AUTS2: variants seen among roughly 807,000 people sequenced by gnomAD.
The protein encoded by AUTS2 is autism susceptibility gene 2 protein.
Under a neutral mutation model 112.4 loss-of-function variants are expected in AUTS2, and 17 were observed. The observed-to-expected ratio is 0.15, with a 90% CI of 0.10 to 0.23. The LOEUF (loss-of-function observed/expected upper bound fraction) is 0.23, where lower values mean the gene tolerates loss of function less well. Among genes scored for constraint, AUTS2 ranks in the 10% least tolerant of loss-of-function variants. AUTS2 has a pLI of 1.00. For synonymous variants in AUTS2, 751 were observed against 702.7 expected (o/e 1.07, Z -1.09); for missense variants, 1,510 against 1,701.6 (o/e 0.89, Z 1.98).
At chr7:70,077,939 A>G (rs1803114920) in intron 2 of AUTS2, among the ~76,000 whole-genome samples, 1 of 152,212 alleles carries the variant, frequency 6.6e-6, no homozygotes, top group Non-Finnish European at 1.5e-5. Flanking sequence ...TGCTGTCATC[A>G]TAATTCTGGA....
chr7:69,949,635 C>G (rs1456245895), intron 2 of AUTS2, among the ~76,000 whole-genome samples: 2 of 152,222 alleles, frequency 1.3e-5, no homozygotes, highest in Non-Finnish European at 2.9e-5. Context: ...TTTAGAAACA[C>G]TTAATGTTCC....
chr7:69,617,470 A>T (rs1793441983), intron 1 of AUTS2, among the ~76,000 whole-genome samples: 1 of 152,164 alleles, frequency 6.6e-6, no homozygotes, highest in African/African-American at 2.4e-5. Context: ...TTGAGGAAGA[A>T]GGAGTGGCAT....
At chr7:69,718,380 G>C (rs1033164587) in intron 1 of AUTS2, among the ~76,000 whole-genome samples, 1 of 152,240 alleles carries the variant, frequency 6.6e-6, no homozygotes, top group East Asian at 1.9e-4. Context: ...GTGTCAGGGG[G>C]CTGTGTTCCT....
intron 5 of AUTS2, among the ~76,000 whole-genome samples, chr7:70,446,681 C>T (rs1272978049): frequency 6.6e-6 from 1 of 152,124 alleles, no homozygotes. Flanking sequence ...ATGACATGAC[C>T]GCACTACAGA....
chr7:69,989,001 A>G (rs918606743), intron 2 of AUTS2, among the ~76,000 whole-genome samples: 5 of 152,188 alleles, frequency 3.3e-5, no homozygotes, highest in Non-Finnish European at 7.3e-5. Context: ...TGCAAAGACA[A>G]ACTTTGAGCG....
At chr7:70,021,049 C>T (rs1800247920) in intron 2 of AUTS2, among the ~76,000 whole-genome samples, 1 of 151,734 alleles carries the variant, frequency 6.6e-6, no homozygotes, top group Admixed American at 6.6e-5. Flanking sequence ...ATGGCGTGAT[C>T]TCAGCTCACC....
chr7:70,274,901 C>T (rs187205025), intron 4 of AUTS2, among the ~76,000 whole-genome samples: 1 of 151,932 alleles, frequency 6.6e-6, no homozygotes, highest in African/African-American at 2.4e-5. Flanking sequence ...GGTATATAAT[C>T]GGAATTAAAA....
chr7:70,473,269 A>C (rs1353526597), intron 5 of AUTS2, among the ~76,000 whole-genome samples: 1 of 152,232 alleles, frequency 6.6e-6, no homozygotes, highest in Admixed American at 6.5e-5. Flanking sequence ...CAAAAGTTTT[A>C]TGAATTTCAG....
At chr7:69,632,540 T>C (rs895092540) in intron 1 of AUTS2, among the ~76,000 whole-genome samples, 5 of 144,036 alleles carry the variant, frequency 3.5e-5, no homozygotes, top group Non-Finnish European at 6.1e-5. Context: ...CCCTTCTCTC[T>C]TCCATCCTGC....
At position 70,143,513 on chromosome 7, in the gene AUTS2, G is replaced by A. The variant is rs566135707; in HGVS notation, c.660+8942G>A. Among the ~76,000 whole-genome samples the A allele has an allele frequency of 5.2e-3, 785 of 152,304 alleles. 2 individuals carry two copies. Among genetic ancestry groups the A allele is most frequent in the Non-Finnish European group, 9.2e-3 (624 of 68,014 alleles). On this transcript the variant is annotated intron_variant, in intron 4 of 18. Transcript: ENST00000342771. ...TTAACAAACCTTAATTTGCTTAGTAGGCTAATGAATGATCTCCAATTTTTC... is the reference window on the plus strand; with the variant it reads ...TTAACAAACCTTAATTTGCTTAGTAAGCTAATGAATGATCTCCAATTTTTC...
intron 5 of AUTS2, among the ~76,000 whole-genome samples, chr7:70,558,588 C>G (rs775363101): frequency 7.2e-5 from 11 of 152,276 alleles, no homozygotes; most frequent in Non-Finnish European, 1.6e-4. Context: ...GGAGATTGCT[C>G]TTGATATAGT....
At chr7:70,348,397 T>C (rs1273506912) in intron 4 of AUTS2, among the ~76,000 whole-genome samples, 4 of 152,202 alleles carry the variant, frequency 2.6e-5, no homozygotes. Flanking sequence ...GGATCTGATA[T>C]GTGTCTAACT....
chr7:70,089,182 G>T (rs945174654), intron 2 of AUTS2, among the ~76,000 whole-genome samples: 1 of 152,094 alleles, frequency 6.6e-6, no homozygotes, highest in Non-Finnish European at 1.5e-5. Context: ...TAAGAAAGGG[G>T]CATTGAAGTC....
chr7:70,525,904 G>T lies in AUTS2; in HGVS notation c.690+90123G>T, dbSNP rs142066283. On this transcript the variant is annotated intron_variant, in intron 5 of 18. Transcript: ENST00000342771. ...GAAACAGGAGCATTCTGGACAGGGG[G>T]CCCTGGCCGCTGCTCACAGCAGCTC... Among the ~76,000 whole-genome samples, 5 of 152,330 alleles carry T rather than the reference G, an allele frequency of 3.3e-5. No homozygotes were observed. In the East Asian group the frequency reaches 5.8e-4, roughly 18 times the overall value.
chr7:69,709,411 A>G (rs946679913), intron 1 of AUTS2, among the ~76,000 whole-genome samples: 2 of 152,200 alleles, frequency 1.3e-5, no homozygotes. Flanking sequence ...TAGCCTGAGC[A>G]GGAGGATGGA....
intron 2 of AUTS2, among the ~76,000 whole-genome samples, chr7:70,058,236 T>G (rs765758148): frequency 3.3e-5 from 5 of 152,176 alleles, no homozygotes; most frequent in African/African-American, 7.2e-5. Flanking sequence ...AGGCTGGACA[T>G]TCAGTTAAAT....
chr7:69,833,034 A>G (rs1791567915), intron 1 of AUTS2, among the ~76,000 whole-genome samples: 1 of 152,204 alleles, frequency 6.6e-6, no homozygotes, highest in Admixed American at 6.5e-5. Flanking sequence ...TTAAAAGACG[A>G]GTAATCAGTT....
chr7:69,735,207 T>TA (rs1307008256), intron 1 of AUTS2, among the ~76,000 whole-genome samples: 8 of 152,212 alleles, frequency 5.3e-5, no homozygotes, highest in African/African-American at 1.9e-4. Context: ...CTTTATTACA[T>TA]AGTTTTTGGA....
At chr7:69,918,093 G>A (rs909375536) in intron 2 of AUTS2, among the ~76,000 whole-genome samples, 4 of 151,870 alleles carry the variant, frequency 2.6e-5, no homozygotes, top group Admixed American at 2.0e-4. Context: ...CACCTGCCTC[G>A]GCCTCCCAAA....
Sources: allele counts gnomAD v4.1 joint callset (sites outside exome capture counted in the v4.1 genomes callset), GRCh38; gene constraint gnomAD v4.1.1; transcripts MANE v1.5; gene names NCBI Gene and HGNC (gene_info 2026-07-23, HGNC 2026-07-21).